Variants in ZBTB16 observed in about 807,000 individuals in gnomAD.
ZBTB16 encodes the protein zinc finger and BTB domain containing 16, also known as zinc finger and BTB domain-containing protein 16.
A neutral mutation model predicts 56.8 loss-of-function variants in ZBTB16; 8 were observed. The ratio of observed to expected loss-of-function variants is 0.14; its 90% CI spans 0.08 to 0.25. ZBTB16 has a LOEUF of 0.25. Among genes scored for constraint, ZBTB16 ranks in the 10% least tolerant of loss-of-function variants. The pLI, the probability that ZBTB16 is intolerant of heterozygous loss-of-function variation, is 1.00. For missense variants in ZBTB16, 625 were observed against 903.0 expected (o/e 0.69, Z 3.95); for synonymous variants, 363 against 368.5 (o/e 0.98, Z 0.17).
At chr11:114,093,338 G>GT (rs1185140678) in intron 2 of ZBTB16, among the ~76,000 whole-genome samples, 2 of 103,772 alleles carry the variant, frequency 1.9e-5, no homozygotes, top group South Asian at 3.0e-4. Context: ...CTGGGGGTGT[G>GT]GAGGGGGGAT....
At chr11:114,249,905 C>T (rs1051810211) in intron 6 of ZBTB16, among the ~76,000 whole-genome samples, 25 of 152,040 alleles carry the variant, frequency 1.6e-4, no homozygotes, top group African/African-American at 6.0e-4. Flanking sequence ...TCTCGATCCA[C>T]CTGCTCTCTG....
chr11:114,065,012 G>A (rs113639231), intron 2 of ZBTB16, among the ~76,000 whole-genome samples: 18 of 152,278 alleles, frequency 1.2e-4, no homozygotes, highest in African/African-American at 4.1e-4. Flanking sequence ...AAGACAGCCT[G>A]TCCCTTTCTG....
chr11:114,064,796 G>T lies in ZBTB16; in HGVS notation c.1268+228G>T, dbSNP rs1164257880. On this transcript the variant is annotated intron_variant, in intron 2 of 6. Transcript: ENST00000335953. This position sits in a 1 kb window ranked among gnomAD's most constrained non-coding sequence, Gnocchi z 4.2. ...AAAGCACCAGGGGACACTCATGGGCGCAGCTTCTTAATAGGCCCTTCCCTT... is the reference window on the plus strand; with the variant it reads ...AAAGCACCAGGGGACACTCATGGGCTCAGCTTCTTAATAGGCCCTTCCCTT... Among the ~76,000 whole-genome samples, 1 of 152,218 alleles carries T rather than the reference G, an allele frequency of 6.6e-6. No homozygotes were observed. The highest frequency in any genetic ancestry group is 1.5e-5 in the Non-Finnish European group (1 of 68,032).
intron 2 of ZBTB16, among the ~76,000 whole-genome samples, chr11:114,129,968 C>T (rs1438779468): frequency 1.3e-5 from 2 of 152,222 alleles, no homozygotes; most frequent in Non-Finnish European, 2.9e-5. Context: ...TAAAATATAT[C>T]AGTGGATGAA....
intron 4 of ZBTB16, among the ~76,000 whole-genome samples, chr11:114,238,660 C>T (rs1308723265): frequency 2.0e-5 from 3 of 152,132 alleles, no homozygotes; most frequent in Non-Finnish European, 2.9e-5. Flanking sequence ...TAGCAACCCT[C>T]GGTCCTTTCA....
At chr11:114,160,384 G>A (rs1026853041) in intron 3 of ZBTB16, among the ~76,000 whole-genome samples, 25 of 152,144 alleles carry the variant, frequency 1.6e-4, no homozygotes, top group African/African-American at 2.2e-4. Flanking sequence ...CGGAGCTCCG[G>A]CTTGTTCTTC....
intron 3 of ZBTB16, among the ~76,000 whole-genome samples, chr11:114,184,744 T>C (rs1159758144): frequency 2.0e-5 from 3 of 152,258 alleles, no homozygotes; most frequent in Non-Finnish European, 4.4e-5. Context: ...TTTAGTGTCA[T>C]GCCTGGCATA....
intron 3 of ZBTB16, among the ~76,000 whole-genome samples, chr11:114,179,341 A>G (rs1020485516): frequency 6.6e-5 from 10 of 152,088 alleles, no homozygotes; most frequent in African/African-American, 2.4e-4. Flanking sequence ...TCCTTGAGGG[A>G]AAGAACACAC....
intron 3 of ZBTB16, among the ~76,000 whole-genome samples, chr11:114,176,698 T>C (rs867143068): frequency 3.9e-5 from 6 of 152,156 alleles, no homozygotes; most frequent in Admixed American, 3.3e-4. Context: ...GTTCATCCTT[T>C]CTCCCTTAGA....
chr11:114,107,915 C>CTT (rs397734160), intron 2 of ZBTB16, among the ~76,000 whole-genome samples: 5,507 of 143,604 alleles, frequency 0.038, 348 homozygotes, highest in African/African-American at 0.13. Flanking sequence ...AAATTTGGGA[C>CTT]TTTTTTTTTT....
At chr11:114,244,437 T>A (rs1043439888) in intron 5 of ZBTB16, among the ~76,000 whole-genome samples, 1 of 152,130 alleles carries the variant, frequency 6.6e-6, no homozygotes, top group Non-Finnish European at 1.5e-5. Flanking sequence ...GTCCTGCACT[T>A]AATGTCAAGC....
chr11:114,178,144 G>A (rs906383764), intron 3 of ZBTB16, among the ~76,000 whole-genome samples: 3 of 152,108 alleles, frequency 2.0e-5, no homozygotes, highest in African/African-American at 4.8e-5. Context: ...GTTTTGGCTG[G>A]AGAGGTAAGA....
In ZBTB16 at chr11:114,060,467, C is replaced by A. The variant is rs1030074583; in HGVS notation, c.-91+585C>A. ...TCTTGATTGGACTTGATCCCCACCC[C>A]CCTTTTGCAGGGGAGGGAGGGAAGC... On this transcript the variant is annotated intron_variant, in intron 1 of 6. Coordinates refer to ENST00000335953, the MANE Select transcript of ZBTB16 (RefSeq NM_006006.6). The surrounding 1 kb of genome is among the most constrained non-coding windows in gnomAD (Gnocchi z 6.0). The A allele has an allele frequency of 2.6e-5, 4 of 152,038 alleles. No individual in the cohort carries two copies. The highest frequency in any genetic ancestry group is 5.9e-5 in the Non-Finnish European group (4 of 68,030). 9.4% of individuals were successfully genotyped at this position (152,038 alleles called of 1,614,324 possible).
rs1044291046 is a variant in ZBTB16 at position 114,254,915 on chromosome 11, G to A, written c.*4360G>A. On this transcript the variant is annotated 3_prime_UTR_variant, in exon 7 of 7. Transcript: ENST00000335953. ...AGGGGAAAAGGGTGGGGAGAAAGAG[G>A]GGTGCAGGCCCTGCAGGCCGGTTAG... 2.0e-5 allele frequency among the ~76,000 whole-genome samples: 3 copies of A among 152,180 alleles called. No homozygotes were observed. The highest frequency in any genetic ancestry group is 2.9e-5 in the Non-Finnish European group (2 of 68,022).
chr11:114,163,903 C>T (rs1433849498), intron 3 of ZBTB16, among the ~76,000 whole-genome samples: 3 of 152,150 alleles, frequency 2.0e-5, no homozygotes, highest in African/African-American at 4.8e-5. Flanking sequence ...TAATGTTTAT[C>T]GTTTGCCCAA....
chr11:114,148,332 GCTGGCTTCCTTCCTTCCTTC>G (rs1199514712), intron 2 of ZBTB16, among the ~76,000 whole-genome samples: 32 of 93,658 alleles, frequency 3.4e-4, no homozygotes, highest in Non-Finnish European at 3.5e-4. Flanking sequence ...TGCATGGCTG[GCTGGCTTCCTTCCTTCCTTC>G]CTTCCTTCCT....
At chr11:114,156,475 A>G in intron 3 of ZBTB16, 41 bp downstream of exon 3, 1 of 1,590,898 alleles carries the variant, frequency 6.3e-7, no homozygotes, top group Non-Finnish European at 8.6e-7. Flanking sequence ...GATACAGGCA[A>G]CCATCTCCTG....
intron 2 of ZBTB16, among the ~76,000 whole-genome samples, chr11:114,092,323 C>G (rs1006877038): frequency 1.3e-5 from 2 of 152,208 alleles, no homozygotes; most frequent in Non-Finnish European, 2.9e-5. Context: ...GGAGCCGCCT[C>G]TAGGATTGTG....
intron 4 of ZBTB16, among the ~76,000 whole-genome samples, chr11:114,191,282 A>C (rs927039526): frequency 6.6e-6 from 1 of 152,218 alleles, no homozygotes; most frequent in South Asian, 2.1e-4. Flanking sequence ...AATGGATTGC[A>C]TATATGACAG....
Sources: gnomAD v4.1 joint callset for allele counts (sites outside exome capture counted in the v4.1 genomes callset) on GRCh38, gnomAD v4.1.1 for gene constraint, Gnocchi (gnomAD v3.1) non-coding constraint, MANE v1.5 for transcripts, NCBI Gene and HGNC (gene_info 2026-07-23, HGNC 2026-07-21) for gene names.